NOVA1: variants seen among roughly 807,000 people sequenced by gnomAD.
The protein encoded by NOVA1 is NOVA alternative splicing regulator 1.
In NOVA1, 7 loss-of-function variants were observed where a neutral mutation model predicts 38.0. That is an observed-to-expected ratio of 0.18 (90% confidence interval 0.10 to 0.35). The LOEUF (loss-of-function observed/expected upper bound fraction) is 0.35. Ranked by LOEUF, NOVA1 falls within the 10% of genes least tolerant of loss-of-function variation. The probability of loss-of-function intolerance (pLI) is 1.00; values close to 1 mark genes in which losing one functional copy is unlikely to be tolerated. For synonymous variants in NOVA1, 270 were observed against 232.5 expected, an observed-to-expected ratio of 1.16 and a Z score of -1.47; for missense variants, 460 against 616.0, an observed-to-expected ratio of 0.75 and a Z score of 2.68.
At chr14:26,459,323 T>C (rs1212583025) in intron 4 of NOVA1, among the ~76,000 whole-genome samples, 2 of 152,142 alleles carry the variant, frequency 1.3e-5, no homozygotes, top group South Asian at 2.1e-4. Context: ...AACATTGTGT[T>C]ACAACTGCCT....
In NOVA1 at chr14:26,445,886, T is replaced by C. The variant is rs944255933; in HGVS notation, c.*2073A>G. 2.0e-5 allele frequency: 3 copies of C among 152,620 alleles called. No individual in the cohort carries two copies. Among genetic ancestry groups the C allele is most frequent in the Admixed American group, 1.3e-4 (2 of 15,270 alleles). 9.5% of individuals were successfully genotyped at this position (152,620 alleles called of 1,614,324 possible). ...AAAAAATGAGACGGGAGACAAGTGA[T>C]GCTACATGATGAACTAAGCACATTT... is the stretch of plus-strand genomic sequence containing the variant. On this transcript the variant is annotated 3_prime_UTR_variant, in exon 5 of 5. Transcript: ENST00000539517.
rs555886958 is a variant in NOVA1, at chr14:26,549,893, T to C, written c.280+45517A>G. ...ATACATACAGGGATGAAAAGTACTA[T>C]AGAAAATGAAAATATATAAGAACAA... On this transcript the variant is annotated intron_variant, in intron 2 of 4. Coordinates refer to ENST00000539517, the MANE Select transcript of NOVA1 (RefSeq NM_002515.3). The C allele has an allele frequency of 4.4e-4, 151 of 343,544 alleles. 1 individual carries two copies. Among genetic ancestry groups the C allele is most frequent in the South Asian group, 1.6e-3 (64 of 39,556 alleles). The allele number at this position is 343,544 out of a possible 1,614,324, so 21.3% of individuals were successfully genotyped here. A position where few individuals can be genotyped will look rare whatever the true frequency, so the allele number is the denominator to read the frequency against.
rs1218774915 is a variant in NOVA1, at chr14:26,446,236, T to C, written c.*1723A>G. Reference sequence around the variant, plus strand: ...AGTGGAAGGGGAAGGGATCAGGAAATAATTTCAAGTTCTCAATGTCCAAAA... The same window carrying C: ...AGTGGAAGGGGAAGGGATCAGGAAACAATTTCAAGTTCTCAATGTCCAAAA... On this transcript the variant is annotated 3_prime_UTR_variant, in exon 5 of 5. Coordinates refer to ENST00000539517, the MANE Select transcript of NOVA1 (RefSeq NM_002515.3). 6.6e-6 allele frequency: 1 copy of C among 151,702 alleles called. No homozygotes were observed. Among genetic ancestry groups the C allele is most frequent in the Non-Finnish European group, 1.5e-5 (1 of 67,922 alleles). The allele number at this position is 151,702 out of a possible 1,614,324, so 9.4% of individuals were successfully genotyped here. A position where few individuals can be genotyped will look rare whatever the true frequency, so the allele number is the denominator to read the frequency against.
intron 2 of NOVA1, among the ~76,000 whole-genome samples, chr14:26,517,475 T>C (rs1370046652): frequency 6.6e-6 from 1 of 152,204 alleles, no homozygotes; most frequent in African/African-American, 2.4e-5. Context: ...TCACAGATTC[T>C]GTTTTACTGT....
At chr14:26,486,366 C>T (rs909080543) in intron 2 of NOVA1, among the ~76,000 whole-genome samples, 1 of 151,866 alleles carries the variant, frequency 6.6e-6, no homozygotes, top group Non-Finnish European at 1.5e-5. Flanking sequence ...CCTCAGCAAC[C>T]TAATAATATA....
chr14:26,475,123 T>C (rs1274659956), intron 3 of NOVA1, among the ~76,000 whole-genome samples: 1 of 152,054 alleles, frequency 6.6e-6, no homozygotes, highest in African/African-American at 2.4e-5. Flanking sequence ...AAAACAAAAA[T>C]CCGTAAGAAA....
rs1834269702 is a variant in NOVA1 at position 26,447,579 on chromosome 14, C to T, written c.*380G>A. ...ACTCCATTTTAGGTCACTGACCCCA[C>T]CATACTCAACCTAACAGTAGTTAAT... On this transcript the variant is annotated 3_prime_UTR_variant, in exon 5 of 5. Transcript: ENST00000539517. The T allele has an allele frequency of 1.5e-5, 3 of 204,678 alleles. No homozygotes were observed. Among genetic ancestry groups the T allele is most frequent in the African/African-American group, 4.6e-5 (2 of 43,060 alleles). 12.7% of individuals were successfully genotyped at this position (204,678 alleles called of 1,614,324 possible). A position where few individuals can be genotyped will look rare whatever the true frequency, so the allele number is the denominator to read the frequency against.
intron 4 of NOVA1, chr14:26,470,580 T>A: frequency 1.1e-6 from 1 of 929,392 alleles, no homozygotes; most frequent in Admixed American, 2.0e-5. Flanking sequence ...GACTTATTAT[T>A]TCAAAATAGC....
intron 2 of NOVA1, among the ~76,000 whole-genome samples, chr14:26,496,956 A>C (rs1043496498): frequency 6.6e-6 from 1 of 152,162 alleles, no homozygotes; most frequent in Non-Finnish European, 1.5e-5. Flanking sequence ...CTTTTGGCTT[A>C]GGATTGACTT....
chr14:26,563,146 C>T (rs1468968213), intron 2 of NOVA1, among the ~76,000 whole-genome samples: 3 of 151,524 alleles, frequency 2.0e-5, no homozygotes, highest in African/African-American at 4.9e-5. Flanking sequence ...AAAGCTTTGA[C>T]AAAACGTCTC....
At chr14:26,589,528 T>C (rs570814054) in intron 2 of NOVA1, among the ~76,000 whole-genome samples, 3 of 151,934 alleles carry the variant, frequency 2.0e-5, no homozygotes, top group African/African-American at 7.2e-5. Flanking sequence ...CACTTCAAAC[T>C]ACTCTGCAAA....
intron 2 of NOVA1, among the ~76,000 whole-genome samples, chr14:26,594,873 T>G (rs1021628740): frequency 2.0e-5 from 3 of 152,096 alleles, no homozygotes; most frequent in Non-Finnish European, 4.4e-5. Context: ...TTTCCTTATA[T>G]CAATTGCATT....
At chr14:26,527,331 T>C (rs1373466645) in intron 2 of NOVA1, among the ~76,000 whole-genome samples, 1 of 152,236 alleles carries the variant, frequency 6.6e-6, no homozygotes, top group Non-Finnish European at 1.5e-5. Context: ...TTCTTGTTCA[T>C]GATTCATGTT....
At chr14:26,530,021 G>A (rs1048466657) in intron 2 of NOVA1, among the ~76,000 whole-genome samples, 10 of 152,054 alleles carry the variant, frequency 6.6e-5, no homozygotes, top group Admixed American at 3.9e-4. Context: ...CCGGGTTCAC[G>A]CCATTCTCCT....
At chr14:26,453,371 C>T (rs1445564277) in intron 4 of NOVA1, among the ~76,000 whole-genome samples, 3 of 151,960 alleles carry the variant, frequency 2.0e-5, no homozygotes, top group East Asian at 3.9e-4. Context: ...CTGTACCCAG[C>T]TTAATACTAC....
intron 2 of NOVA1, among the ~76,000 whole-genome samples, chr14:26,525,607 T>C (rs1236109122): frequency 6.6e-6 from 1 of 152,140 alleles, no homozygotes; most frequent in Non-Finnish European, 1.5e-5. Context: ...ATTCTCACCT[T>C]CCTCAAAACA....
chr14:26,448,076 A>G lies in NOVA1; in HGVS notation c.1407T>C (p.Asn469=), dbSNP rs768305510. 373 of 1,614,028 alleles carry G rather than the reference A, an allele frequency of 2.3e-4. No individual in the cohort carries two copies. Among genetic ancestry groups the G allele is most frequent in the Non-Finnish European group, 3.1e-4 (362 of 1,180,020 alleles). Residue 469 remains asparagine (N), a synonymous_variant, in exon 5 of 5, where the codon AAT becomes AAC. Transcript: ENST00000539517. The surrounding 1 kb of genome is among the most constrained non-coding windows in gnomAD (Gnocchi z 5.3). ...GTGTTCCAGTAATGGTTACCTTCCGATTCCTTGTGCCAGGTACGAATTCTC... is the reference window on the plus strand; with the variant it reads ...GTGTTCCAGTAATGGTTACCTTCCGGTTCCTTGTGCCAGGTACGAATTCTC... ...KKGEFVPGTR[N]RKVTITGTPA...
chr14:26,512,265 G>C (rs973050024), intron 2 of NOVA1, among the ~76,000 whole-genome samples: 2 of 152,114 alleles, frequency 1.3e-5, no homozygotes, highest in Non-Finnish European at 2.9e-5. Flanking sequence ...AAGCAAAACT[G>C]GTCCTATTAC....
In NOVA1 at chr14:26,447,636, A is replaced by G. The variant is rs1882184337; in HGVS notation, c.*323T>C. 1 of 328,968 alleles carries G rather than the reference A, an allele frequency of 3.0e-6. No individual in the cohort carries two copies. Among genetic ancestry groups the G allele is most frequent in the African/African-American group, 2.1e-5 (1 of 47,732 alleles). 20.4% of individuals were successfully genotyped at this position (328,968 alleles called of 1,614,324 possible). ...TTATCTAGAACTAATACTGAAAACT[A>G]TACGCATATCCCTGTCTACATTCAA... On this transcript the variant is annotated 3_prime_UTR_variant, in exon 5 of 5. Transcript: ENST00000539517.
Sources: gnomAD v4.1 joint callset for allele counts (sites outside exome capture counted in the v4.1 genomes callset) on GRCh38, gnomAD v4.1.1 for gene constraint, Gnocchi (gnomAD v3.1) non-coding constraint, MANE v1.5 for transcripts, NCBI Gene and HGNC (gene_info 2026-07-23, HGNC 2026-07-21) for gene names.